Variants in EXOSC1 observed in about 807,000 individuals in gnomAD.
EXOSC1 encodes the protein exosome component 1, also known as exosome complex component CSL4.
In EXOSC1, 27 loss-of-function variants were observed where a neutral mutation model predicts 31.4. The ratio of observed to expected loss-of-function variants is 0.86; its 90% CI spans 0.63 to 1.18. The LOEUF (loss-of-function observed/expected upper bound fraction) is 1.18. Among genes scored for constraint, EXOSC1 ranks in the 50% most tolerant of loss-of-function variants. The pLI is 0.00. For synonymous variants in EXOSC1, 84 were observed against 89.5 expected (o/e 0.94, Z 0.35); for missense variants, 228 against 250.3 (o/e 0.91, Z 0.60).
intron 2 of EXOSC1, chr10:97,445,129 A>AT (rs1218943486): frequency 2.0e-5 from 3 of 152,180 alleles, no homozygotes; most frequent in Admixed American, 6.6e-5. Flanking sequence ...CCTTTCCTCA[A>AT]TTAGTGGGTC....
chr10:97,436,354 G>T lies in EXOSC1; in HGVS notation c.*91C>A. ...AAGATTTTTCTGGAAGTGGCTGTTG[G>T]CCGACGCCAGGTGTTTGAATAAAGA... On this transcript the variant is annotated 3_prime_UTR_variant, in exon 8 of 8. Transcript: ENST00000370902. The T allele has an allele frequency of 1.1e-6, 1 of 937,020 alleles. No homozygotes were observed. Among genetic ancestry groups the T allele is most frequent in the Non-Finnish European group, 1.7e-6 (1 of 594,506 alleles). 58.0% of individuals were successfully genotyped at this position (937,020 alleles called of 1,614,324 possible). A position where few individuals can be genotyped will look rare whatever the true frequency, so the allele number is the denominator to read the frequency against.
chr10:97,444,305 C>T (rs1845815720), intron 2 of EXOSC1: 1 of 152,164 alleles, frequency 6.6e-6, no homozygotes, highest in Admixed American at 6.6e-5. Flanking sequence ...TCAATCTCTC[C>T]GTTGCTCACA....
chr10:97,437,139 C>T, intron 7 of EXOSC1, 52 bp downstream of exon 7: 2 of 1,495,610 alleles, frequency 1.3e-6, no homozygotes, highest in Non-Finnish European at 1.9e-6. Context: ...ATGGATTTAT[C>T]CCAAACCATA....
At chr10:97,439,970 CTTTTT>C (rs957127403) in intron 4 of EXOSC1, among the ~76,000 whole-genome samples, 5 of 139,654 alleles carry the variant, frequency 3.6e-5, no homozygotes, top group Non-Finnish European at 6.3e-5. Context: ...ATGCCTTCTA[CTTTTT>C]TTTTTTTTTT....
In EXOSC1 at chr10:97,435,951, C is replaced by T. The variant is rs542876237; in HGVS notation, c.*494G>A. Reference sequence around the variant, plus strand: ...TTACAAACATGAGCCACCATGCCTGCCTCACATGCTATCTGTATCACCACG... The same window carrying T: ...TTACAAACATGAGCCACCATGCCTGTCTCACATGCTATCTGTATCACCACG... On this transcript the variant is annotated 3_prime_UTR_variant, in exon 8 of 8. Transcript: ENST00000370902. Among the ~76,000 whole-genome samples the T allele has an allele frequency of 6.6e-6, 1 of 152,258 alleles. No individual in the cohort carries two copies. Among genetic ancestry groups the T allele is most frequent in the Admixed American group, 6.5e-5 (1 of 15,286 alleles).
chr10:97,441,872 A>G (rs1189574181), intron 3 of EXOSC1, among the ~76,000 whole-genome samples: 2 of 143,026 alleles, frequency 1.4e-5, no homozygotes, highest in African/African-American at 2.5e-5. Flanking sequence ...ATGGCTAACA[A>G]TTAAAAAAAA....
chr10:97,443,279 C>A lies in EXOSC1; in HGVS notation c.180G>T (p.Glu60Asp), dbSNP rs1245432235. The part of the protein sequence containing the change: ...LPVVSVVRET[E>D]SQLLPDVGAI... ...CTCCCACATCTGGCAGTAACTGGGA[C>A]TCTGTTTCTCTCACTACAGACACCA... The change falls in exon 3 of 8, where the codon GAG (glutamate) becomes GAT (aspartate). Residue 60 changes from glutamate (E) to aspartate (D), a missense_variant. Glu to Asp is a conservative substitution (Grantham distance 45). Transcript: ENST00000370902. 2.5e-6 allele frequency: 4 copies of A among 1,614,028 alleles called. No individual in the cohort carries two copies. Among genetic ancestry groups the A allele is most frequent in the East Asian group, 2.2e-5 (1 of 44,904 alleles).
At position 97,436,428 on chromosome 10, in the gene EXOSC1, G is replaced by T; in HGVS notation, c.*17C>A. 1 of 1,573,992 alleles carries T rather than the reference G, an allele frequency of 6.4e-7. No individual in the cohort carries two copies. Among genetic ancestry groups the T allele is most frequent in the South Asian group, 1.1e-5 (1 of 90,082 alleles). ...CAGGAACAGCTTACCCCCTTCCATA[G>T]GGTAAAAAGTGGCTTCTTAGGTCTG... On this transcript the variant is annotated 3_prime_UTR_variant, in exon 8 of 8. Coordinates refer to ENST00000370902, the MANE Select transcript of EXOSC1 (RefSeq NM_016046.5).
intron 2 of EXOSC1, 90 bp from the exon 3 acceptor site, chr10:97,443,401 G>A: frequency 8.9e-7 from 1 of 1,123,782 alleles, no homozygotes; most frequent in Non-Finnish European, 1.3e-6. Context: ...GAATGTCTTG[G>A]TATAAAGGTG....
At chr10:97,445,646 C>T in intron 2 of EXOSC1, 86 bp downstream of exon 2, 1 of 1,247,184 alleles carries the variant, frequency 8.0e-7, no homozygotes, top group Non-Finnish European at 1.1e-6. Context: ...ACTAAAGACG[C>T]GTCCGCAGTG....
chr10:97,436,453 G>GCAAGAATTCGGGTTGTACTCGGGCTA lies in EXOSC1; in HGVS notation c.554_579dup (p.Gln194Ter). ...GGGTAAAAAGTGGCTTCTTAGGTCTGCAAGAATTCGGGTTGTACTCGGGCT... is the reference window on the plus strand; with the variant it reads ...GGGTAAAAAGTGGCTTCTTAGGTCTGCAAGAATTCGGGTTGTACTCGGGCTACAAGAATTCGGGTTGTACTCGGGCT... On this transcript the variant is annotated stop_gained and frameshift_variant, in exon 8 of 8. Transcript: ENST00000370902. LOFTEE classifies it high-confidence loss of function. 1 of 1,611,822 alleles carries GCAAGAATTCGGGTTGTACTCGGGCTA rather than the reference G, an allele frequency of 6.2e-7. No homozygotes were observed.
Position 97,437,312 on chromosome 10 carries a change from TA to T in EXOSC1, c.397-38del, listed in dbSNP as rs767060799. 6.6e-6 allele frequency: 10 copies of T among 1,516,224 alleles called. No homozygotes were observed. In the East Asian group the frequency reaches 2.3e-4, roughly 34 times the overall value. The allele number at this position is 1,516,224 out of a possible 1,614,324, so 93.9% of individuals were successfully genotyped here. On this transcript the variant is annotated intron_variant, in intron 6 of 7. Coordinates refer to ENST00000370902, the MANE Select transcript of EXOSC1 (RefSeq NM_016046.5). ...ACACCGGTGAAGGAAAATGAGGAGT[TA>T]GAAGTCTTCCCCCACCTTAGCCACC...
rs1337021166 is a variant in EXOSC1 at position 97,438,651 on chromosome 10, A to G, written c.345+19T>C. ...TTGAGATACGTAAAGCCATTAAAAA[A>G]AAAGAACCAACCAACAACCTTGTCT... On this transcript the variant is annotated intron_variant, in intron 5 of 7. Coordinates refer to ENST00000370902, the MANE Select transcript of EXOSC1 (RefSeq NM_016046.5). 1.2e-6 allele frequency: 2 copies of G among 1,610,186 alleles called. No homozygotes were observed. The highest frequency in any genetic ancestry group is 3.4e-5 in the Admixed American group (2 of 59,040).
intron 4 of EXOSC1, 148 bp downstream of exon 4, chr10:97,441,023 C>T (rs1845697212): frequency 4.9e-6 from 3 of 617,010 alleles, no homozygotes; most frequent in South Asian, 2.0e-5. Context: ...TTTTTGGATA[C>T]TACTAGGGGA....
intron 3 of EXOSC1, among the ~76,000 whole-genome samples, chr10:97,442,177 CAA>C (rs56821235): frequency 7.1e-6 from 1 of 140,378 alleles, no homozygotes; most frequent in Non-Finnish European, 1.6e-5. Context: ...GGCCCTGTCT[CAA>C]AAAAAAAAAA....
At chr10:97,445,346 T>C (rs1845904726) in intron 2 of EXOSC1, 2 of 192,168 alleles carry the variant, frequency 1.0e-5, no homozygotes, top group Admixed American at 1.1e-4. Flanking sequence ...GATTATAACT[T>C]TTAAACACAG....
intron 2 of EXOSC1, chr10:97,443,897 ATTC>A: frequency 6.6e-6 from 1 of 151,946 alleles, no homozygotes; most frequent in Admixed American, 6.6e-5. Context: ...GGTTCAAGTG[ATTC>A]TCCTGCCTCA....
chr10:97,445,718 G>A lies in EXOSC1; in HGVS notation c.147+14C>T. On this transcript the variant is annotated intron_variant, in intron 2 of 7. Coordinates refer to ENST00000370902, the MANE Select transcript of EXOSC1 (RefSeq NM_016046.5). ...GGGAAAAACAGAGGGGAGATGGCAT[G>A]CCGCTTCCTTTACCGCGCCATTCTC... The A allele has an allele frequency of 6.2e-7, 1 of 1,611,190 alleles. No homozygotes were observed. The highest frequency in any genetic ancestry group is 8.5e-7 in the Non-Finnish European group (1 of 1,177,828).
intron 2 of EXOSC1, 103 bp downstream of exon 2, chr10:97,445,629 C>T: frequency 3.0e-6 from 3 of 1,016,738 alleles, no homozygotes; most frequent in Non-Finnish European, 4.4e-6. Context: ...CATTGTACCA[C>T]TGAGGCACTA....
Sources: gnomAD v4.1 joint callset for allele counts (sites outside exome capture counted in the v4.1 genomes callset) on GRCh38, gnomAD v4.1.1 for gene constraint, MANE v1.5 for transcripts, NCBI Gene and HGNC (gene_info 2026-07-23, HGNC 2026-07-21) for gene names.